Variants in COG6 observed in about 807,000 individuals in gnomAD.
COG6 encodes the protein conserved oligomeric Golgi complex subunit 6.
COG6 carries 74 observed loss-of-function variants against 88.8 expected under a neutral mutation model. The observed-to-expected ratio is 0.83, with a 90% CI of 0.69 to 1.01. COG6 has a LOEUF of 1.01. Ranked by LOEUF, COG6 falls within the 50% of genes least tolerant of loss-of-function variation. The pLI is 0.00. For synonymous variants in COG6, 286 were observed against 278.7 expected (o/e 1.03, Z -0.26); for missense variants, 800 against 797.9 (o/e 1.00, Z -0.03).
intron 18 of COG6, among the ~76,000 whole-genome samples, chr13:39,779,167 A>G (rs1353797630): frequency 1.3e-5 from 2 of 152,250 alleles, no homozygotes; most frequent in African/African-American, 2.4e-5. Flanking sequence ...TGACATTAGT[A>G]TCTGCTTTAT....
At chr13:39,745,392 C>G (rs2138135774) in intron 18 of COG6, among the ~76,000 whole-genome samples, 1 of 151,958 alleles carries the variant, frequency 6.6e-6, no homozygotes, top group Middle Eastern at 3.4e-3. Flanking sequence ...AACAAATTTA[C>G]AAGAAAAAAA....
In COG6 at chr13:39,679,598, C is replaced by T. The variant is rs1380886184; in HGVS notation, c.601C>T (p.Arg201Cys). Reference sequence around the variant, plus strand: ...TCATAATGATGTCAAAGTTCTCTTGCGTACAAATCAACAAACGGCAGGGTG... The same window carrying T: ...TCATAATGATGTCAAAGTTCTCTTGTGTACAAATCAACAAACGGCAGGGTG... ...QIHNDVKVLL[R>C]TNQQTAGLEI... The change falls in exon 6 of 19, where the codon CGT becomes TGT. Residue 201 changes from arginine to cysteine, a missense_variant. Physicochemically the swap from Arg to Cys is radical, Grantham distance 180. Coordinates refer to ENST00000455146, the MANE Select transcript of COG6 (RefSeq NM_020751.3). The T allele has an allele frequency of 3.7e-6, 6 of 1,604,860 alleles. No individual in the cohort carries two copies. Among genetic ancestry groups the T allele is most frequent in the Non-Finnish European group, 5.1e-6 (6 of 1,171,788 alleles).
intron 18 of COG6, among the ~76,000 whole-genome samples, chr13:39,787,896 G>A (rs1391029143): frequency 6.6e-6 from 1 of 152,148 alleles, no homozygotes; most frequent in Non-Finnish European, 1.5e-5. Flanking sequence ...GGGCATCTGT[G>A]GATTTTGGTA....
intron 1 of COG6, 68 bp downstream of exon 1, chr13:39,655,947 T>C: frequency 6.5e-7 from 1 of 1,541,786 alleles, no homozygotes; most frequent in Non-Finnish European, 8.8e-7. Flanking sequence ...GGGCGGCGTC[T>C]GTCAGGGACC....
chr13:39,719,879 T>C, intron 15 of COG6, 52 bp downstream of exon 15: 1 of 1,401,378 alleles, frequency 7.1e-7, no homozygotes, highest in Non-Finnish European at 1.0e-6. Flanking sequence ...TTTTTCTCTA[T>C]GTGATAGCTT....
Position 39,655,668 on chromosome 13 carries a change from G to T in COG6, c.-59G>T. 6.5e-7 allele frequency: 1 copy of T among 1,542,196 alleles called. No individual in the cohort carries two copies. The highest frequency in any genetic ancestry group is 1.4e-5 in the African/African-American group (1 of 72,934). On this transcript the variant is annotated 5_prime_UTR_variant, in exon 1 of 19. Transcript: ENST00000455146. ...CGATTTGCACATGCGCAATACTCGC[G>T]CTGCCTCCGTGGTCCCTGCCTGGCT...
intron 11 of COG6, among the ~76,000 whole-genome samples, chr13:39,693,335 T>C (rs1028225986): frequency 2.6e-5 from 4 of 151,888 alleles, no homozygotes; most frequent in Non-Finnish European, 5.9e-5. Flanking sequence ...TTTTCTCTCT[T>C]TCTTAAGGGA....
In COG6 at chr13:39,706,261, A is replaced by ATATATATATATATATATACTCCTT. The variant is rs1316496387; in HGVS notation, c.1284+6660_1284+6661insACTCCTTTATATATATATATATAT. On this transcript the variant is annotated intron_variant, in intron 13 of 18. Transcript: ENST00000455146. ...TATATATATATATACTCCTTTATAT[A>ATATATATATATATATATACTCCTT]TATATATATATATATATTTAAATAT... Among the ~76,000 whole-genome samples the ATATATATATATATATATACTCCTT allele has an allele frequency of 3.1e-4, 43 of 137,654 alleles. 1 individual carries two copies. Among genetic ancestry groups the ATATATATATATATATATACTCCTT allele is most frequent in the Admixed American group, 5.9e-4 (8 of 13,640 alleles). 90.3% of individuals were successfully genotyped at this position (137,654 alleles called of 152,430 possible). A position where few individuals can be genotyped will look rare whatever the true frequency, so the allele number is the denominator to read the frequency against.
In COG6 at chr13:39,660,802, C is replaced by T. The variant is rs905292489; in HGVS notation, c.298-8C>T. The T allele has an allele frequency of 6.3e-7, 1 of 1,586,526 alleles. No homozygotes were observed. The highest frequency in any genetic ancestry group is 8.7e-7 in the Non-Finnish European group (1 of 1,155,504). On this transcript the variant is annotated splice_region_variant and splice_polypyrimidine_tract_variant and intron_variant, in intron 2 of 18. Coordinates refer to ENST00000455146, the MANE Select transcript of COG6 (RefSeq NM_020751.3). ...TATGATGTTTGATGTTACTTTTCTT[C>T]TTTTCAGGAACTTGAAAGCATAAGC...
At chr13:39,779,064 A>C (rs935704245) in intron 18 of COG6, among the ~76,000 whole-genome samples, 1 of 152,304 alleles carries the variant, frequency 6.6e-6, no homozygotes, top group Admixed American at 6.5e-5. Context: ...GTGTCAAAAA[A>C]TTTGCATGCT....
downstream of COG6, among the ~76,000 whole-genome samples, chr13:39,753,087 A>T (rs1880720721): frequency 6.6e-6 from 1 of 152,214 alleles, no homozygotes; most frequent in African/African-American, 2.4e-5. Context: ...TCAAATGGGC[A>T]CTGCTGTAGT....
chr13:39,696,304 TA>T (rs1877271774), intron 12 of COG6, among the ~76,000 whole-genome samples: 2 of 151,826 alleles, frequency 1.3e-5, no homozygotes, highest in African/African-American at 4.8e-5. Flanking sequence ...TACATTGTAG[TA>T]GGGGAGACAA....
intron 18 of COG6, among the ~76,000 whole-genome samples, chr13:39,733,252 G>A (rs948115091): frequency 1.6e-4 from 24 of 149,126 alleles, no homozygotes; most frequent in Non-Finnish European, 3.0e-4. Context: ...GTGGAGCGGC[G>A]CGATCTTGGC....
chr13:39,722,082 C>T (rs563065228), intron 15 of COG6, among the ~76,000 whole-genome samples: 7 of 152,104 alleles, frequency 4.6e-5, no homozygotes, highest in South Asian at 2.1e-4. Flanking sequence ...TTTTATCTCA[C>T]GGATCTGCCA....
chr13:39,751,570 T>C lies in COG6; in HGVS notation c.*477T>C. ...AGCTTTTCTGAACCTAGCCTATGTC[T>C]CTGTCCCCAAAATAGCTGCCCTTAA... is the stretch of plus-strand genomic sequence containing the variant. On this transcript the variant is annotated 3_prime_UTR_variant, in exon 19 of 19. Transcript: ENST00000455146. 2 of 1,287,242 alleles carry C rather than the reference T, an allele frequency of 1.6e-6. No homozygotes were observed. The highest frequency in any genetic ancestry group is 2.0e-6 in the Non-Finnish European group (2 of 988,722). 79.7% of individuals were successfully genotyped at this position (1,287,242 alleles called of 1,614,324 possible). A position where few individuals can be genotyped will look rare whatever the true frequency, so the allele number is the denominator to read the frequency against.
chr13:39,746,297 A>G (rs1880348623), intron 18 of COG6, among the ~76,000 whole-genome samples: 1 of 151,932 alleles, frequency 6.6e-6, no homozygotes, highest in Non-Finnish European at 1.5e-5. Context: ...GGTGTTGTGA[A>G]AAGCAAGAGG....
At chr13:39,719,443 T>C in intron 14 of COG6, 76 bp downstream of exon 14, 1 of 1,414,528 alleles carries the variant, frequency 7.1e-7, no homozygotes, top group Non-Finnish European at 9.8e-7. Flanking sequence ...TGGAATTTTG[T>C]AATTCATATA....
intron 18 of COG6, among the ~76,000 whole-genome samples, chr13:39,761,165 G>A (rs1359436994): frequency 2.6e-5 from 4 of 151,866 alleles, no homozygotes; most frequent in African/African-American, 7.3e-5. Context: ...CCTTATTAGG[G>A]TAGTTTTAAT....
At chr13:39,760,216 C>T (rs183248834) in intron 18 of COG6, among the ~76,000 whole-genome samples, 62 of 152,174 alleles carry the variant, frequency 4.1e-4, no homozygotes, top group African/African-American at 1.3e-3. Context: ...GTCTAATTTT[C>T]GGGATTCAGG....
Sources: gnomAD v4.1 joint callset for allele counts (sites outside exome capture counted in the v4.1 genomes callset) on GRCh38, gnomAD v4.1.1 for gene constraint, MANE v1.5 for transcripts, NCBI Gene and HGNC (gene_info 2026-07-23, HGNC 2026-07-21) for gene names.